Variants in GABRG3 observed in about 807,000 individuals in gnomAD.
GABRG3 encodes gamma-aminobutyric acid receptor subunit gamma-3.
Under a neutral mutation model 48.8 loss-of-function variants are expected in GABRG3, and 25 were observed. That is an observed-to-expected ratio of 0.51 (90% confidence interval 0.37 to 0.72). GABRG3 has a LOEUF of 0.72. GABRG3 is among the 30% of genes least tolerant of loss of function. GABRG3 has a pLI of 0.00. For synonymous variants in GABRG3, 227 were observed against 217.6 expected (o/e 1.04, Z -0.38); for missense variants, 394 against 577.9 (o/e 0.68, Z 3.26).
chr15:27,276,853 A>G (rs1482133643), intron 3 of GABRG3, among the ~76,000 whole-genome samples: 2 of 152,236 alleles, frequency 1.3e-5, no homozygotes, highest in South Asian at 2.1e-4. Flanking sequence ...TTGTGTAGCT[A>G]TCATTCCATG....
At chr15:27,497,151 C>T (rs999959316) in intron 6 of GABRG3, among the ~76,000 whole-genome samples, 1 of 152,140 alleles carries the variant, frequency 6.6e-6, no homozygotes, top group Non-Finnish European at 1.5e-5. Flanking sequence ...ATTAGTTTTT[C>T]ATTGTTAGGT....
At chr15:27,370,195 A>G (rs1348791985) in intron 5 of GABRG3, among the ~76,000 whole-genome samples, 5 of 152,142 alleles carry the variant, frequency 3.3e-5, no homozygotes, top group African/African-American at 1.2e-4. Flanking sequence ...ACATCTATCA[A>G]ATGAAGTATT....
intron 2 of GABRG3, among the ~76,000 whole-genome samples, chr15:27,005,981 A>G (rs1349879712): frequency 6.6e-6 from 1 of 152,220 alleles, no homozygotes; most frequent in Non-Finnish European, 1.5e-5. Context: ...AAATCTTACC[A>G]GCCTTTTACC....
At chr15:27,148,366 C>T (rs1291144572) in intron 3 of GABRG3, among the ~76,000 whole-genome samples, 10 of 151,944 alleles carry the variant, frequency 6.6e-5, no homozygotes. Flanking sequence ...AGAAGCCTTA[C>T]CATCGAGTAA....
At chr15:27,036,470 T>A (rs997959323) in intron 3 of GABRG3, among the ~76,000 whole-genome samples, 9 of 152,248 alleles carry the variant, frequency 5.9e-5, no homozygotes, top group Admixed American at 4.6e-4. Context: ...GGCGGGCGGA[T>A]CATGAGGTCA....
chr15:27,513,353 GGCAGGA>G (rs1406847280), intron 6 of GABRG3, among the ~76,000 whole-genome samples: 14 of 152,024 alleles, frequency 9.2e-5, no homozygotes, highest in Admixed American at 2.0e-4. Context: ...GGGAGGCTGA[GGCAGGA>G]GAATGGCGTG....
At chr15:27,063,726 G>C (rs896017057) in intron 3 of GABRG3, among the ~76,000 whole-genome samples, 1 of 152,220 alleles carries the variant, frequency 6.6e-6, no homozygotes, top group African/African-American at 2.4e-5. Flanking sequence ...GAATGAGCCA[G>C]CTCAGGCCAG....
chr15:27,426,385 G>A (rs1189231615), intron 5 of GABRG3, among the ~76,000 whole-genome samples: 1 of 152,226 alleles, frequency 6.6e-6, no homozygotes, highest in East Asian at 1.9e-4. Context: ...ACGTAACTTT[G>A]CAGAAGCCTG....
At chr15:27,015,798 T>TTAA (rs1220211118) in intron 2 of GABRG3, among the ~76,000 whole-genome samples, 2 of 152,206 alleles carry the variant, frequency 1.3e-5, no homozygotes, top group African/African-American at 4.8e-5. Flanking sequence ...ACAATCTCTA[T>TTAA]TAAACTGATA....
At position 27,375,392 on chromosome 15, in the gene GABRG3, A is replaced by G. The variant is rs542061264; in HGVS notation, c.574+46504A>G. ...AGCTTGAGGTATCTTCTTCAGTTCA[A>G]TATGTCAAAGTGCCATACTTTGGGC... On this transcript the variant is annotated intron_variant, in intron 5 of 9. Transcript: ENST00000615808. 3.5e-4 allele frequency among the ~76,000 whole-genome samples: 53 copies of G among 152,288 alleles called. 1 individual carries two copies. Among genetic ancestry groups the G allele is most frequent in the Non-Finnish European group, 5.4e-4 (37 of 68,034 alleles).
intron 3 of GABRG3, among the ~76,000 whole-genome samples, chr15:27,162,699 G>C (rs1215429032): frequency 6.6e-6 from 1 of 152,136 alleles, no homozygotes; most frequent in Non-Finnish European, 1.5e-5. Flanking sequence ...CTGCTCCTTA[G>C]CATGTGTGAA....
At chr15:27,058,671 G>A (rs960916693) in intron 3 of GABRG3, among the ~76,000 whole-genome samples, 1 of 151,424 alleles carries the variant, frequency 6.6e-6, no homozygotes, top group African/African-American at 2.4e-5. Flanking sequence ...GAAACCAGGA[G>A]CCACCATCTT....
intron 5 of GABRG3, among the ~76,000 whole-genome samples, chr15:27,448,130 A>T (rs1196203353): frequency 6.6e-6 from 1 of 151,850 alleles, no homozygotes; most frequent in Non-Finnish European, 1.5e-5. Flanking sequence ...GTTTTTTTTA[A>T]AAAAAGGACA....
At chr15:27,040,342 C>G (rs1896254626) in intron 3 of GABRG3, among the ~76,000 whole-genome samples, 1 of 152,194 alleles carries the variant, frequency 6.6e-6, no homozygotes, top group Non-Finnish European at 1.5e-5. Flanking sequence ...AGGCAGGCAG[C>G]TCCTGTGCTT....
intron 6 of GABRG3, among the ~76,000 whole-genome samples, chr15:27,506,946 G>T (rs1412914107): frequency 2.0e-5 from 3 of 150,890 alleles, no homozygotes; most frequent in Non-Finnish European, 4.4e-5. Context: ...TTGCAATATT[G>T]CAATATAAGC....
chr15:27,421,371 A>G (rs147610024), intron 5 of GABRG3, among the ~76,000 whole-genome samples: 2 of 152,254 alleles, frequency 1.3e-5, no homozygotes, highest in Non-Finnish European at 2.9e-5. Context: ...TTTAACCTAT[A>G]CAATATTCCC....
chr15:27,494,496 A>G (rs1890434953), intron 6 of GABRG3, among the ~76,000 whole-genome samples: 1 of 152,140 alleles, frequency 6.6e-6, no homozygotes, highest in Non-Finnish European at 1.5e-5. Flanking sequence ...CGGGAATTCT[A>G]AAATTATGAA....
chr15:27,170,375 C>A (rs1187237513), intron 3 of GABRG3, among the ~76,000 whole-genome samples: 2 of 151,962 alleles, frequency 1.3e-5, no homozygotes, highest in African/African-American at 4.8e-5. Flanking sequence ...TAAATATATA[C>A]ATATATGTAT....
intron 5 of GABRG3, among the ~76,000 whole-genome samples, chr15:27,408,179 A>G (rs928538939): frequency 8.5e-5 from 13 of 152,238 alleles, no homozygotes; most frequent in African/African-American, 3.1e-4. Context: ...TGGTTCTATA[A>G]CAAGAGTAAG....
Sources: allele counts gnomAD v4.1 joint callset (sites outside exome capture counted in the v4.1 genomes callset), GRCh38; gene constraint gnomAD v4.1.1; transcripts MANE v1.5; gene names NCBI Gene and HGNC (gene_info 2026-07-23, HGNC 2026-07-21).